The following NREP variants were observed in gnomAD, a reference collection of about 807,000 sequenced individuals.
NREP encodes the protein neuronal regeneration-related protein.
A neutral mutation model predicts 8.6 loss-of-function variants in NREP; 5 were observed. The observed-to-expected ratio is 0.58, with a 90% CI of 0.30 to 1.22. NREP has a LOEUF of 1.22. NREP is among the 50% of genes most tolerant of loss of function. NREP has a pLI of 0.07. For synonymous variants in NREP, 27 were observed against 28.0 expected (o/e 0.96, Z 0.11); for missense variants, 86 against 82.5 (o/e 1.04, Z -0.17).
intron 2 of NREP, among the ~76,000 whole-genome samples, chr5:111,784,943 G>A (rs1751574415): frequency 6.6e-6 from 1 of 152,140 alleles, no homozygotes; most frequent in Admixed American, 6.5e-5. Flanking sequence ...TGAGCAGGGG[G>A]GAGCTGCTCT....
chr5:111,938,361 C>A (rs1281047805), intron 2 of NREP, among the ~76,000 whole-genome samples: 2 of 152,128 alleles, frequency 1.3e-5, no homozygotes, highest in African/African-American at 4.8e-5. Context: ...TAAGCCAAAA[C>A]TACCCAGATT....
At position 111,770,400 on chromosome 5, in the gene NREP, T is replaced by C. The variant is rs575816769; in HGVS notation, c.136-34893A>G. Among the ~76,000 whole-genome samples, 231 of 152,272 alleles carry C rather than the reference T, an allele frequency of 1.5e-3. 2 individuals are homozygous for C. Among genetic ancestry groups the C allele is most frequent in the African/African-American group, 5.4e-3 (223 of 41,558 alleles). ...TATGCTGCAGAGGCAAGTTCTTAACTTTAGAATTCATTTGAGGTTTTAAAA... is the reference window on the plus strand; with the variant it reads ...TATGCTGCAGAGGCAAGTTCTTAACCTTAGAATTCATTTGAGGTTTTAAAA... On this transcript the variant is annotated intron_variant, in intron 2 of 3. Transcript: ENST00000395634.
At chr5:111,757,384 C>T (rs914613727), upstream of NREP, 1 of 962,434 alleles carries the variant, frequency 1.0e-6, no homozygotes. Flanking sequence ...CTGCCTCGCG[C>T]TCTCTCTCCA....
chr5:111,776,612 T>G (rs1213402), intron 2 of NREP, among the ~76,000 whole-genome samples: 2 of 152,120 alleles, frequency 1.3e-5, no homozygotes, highest in African/African-American at 2.4e-5. Flanking sequence ...ATTCATACAA[T>G]GGAATAATAG....
At chr5:111,808,673 C>T (rs906671661) in intron 2 of NREP, among the ~76,000 whole-genome samples, 3 of 152,188 alleles carry the variant, frequency 2.0e-5, no homozygotes, top group East Asian at 1.9e-4. Context: ...GACTCAATTT[C>T]GATAATATTC....
intron 2 of NREP, among the ~76,000 whole-genome samples, chr5:111,953,952 G>T (rs1184027697): frequency 6.6e-6 from 1 of 152,128 alleles, no homozygotes; most frequent in Non-Finnish European, 1.5e-5. Context: ...ACCTGAGGGA[G>T]TATCAGCATG....
At chr5:111,795,276 C>T (rs1484049262) in intron 2 of NREP, among the ~76,000 whole-genome samples, 1 of 152,102 alleles carries the variant, frequency 6.6e-6, no homozygotes, top group Non-Finnish European at 1.5e-5. Flanking sequence ...GGACTGGCTG[C>T]CTCAGGTGTA....
At chr5:111,937,066 G>T (rs762021600) in intron 2 of NREP, among the ~76,000 whole-genome samples, 2 of 152,058 alleles carry the variant, frequency 1.3e-5, no homozygotes, top group African/African-American at 2.4e-5. Flanking sequence ...ATTGACAATA[G>T]GAATGGCCAC....
At chr5:111,874,222 G>T (rs1320691541) in intron 2 of NREP, among the ~76,000 whole-genome samples, 3 of 152,054 alleles carry the variant, frequency 2.0e-5, no homozygotes, top group African/African-American at 7.2e-5. Context: ...TCCATATACT[G>T]TTCTCTTTAT....
chr5:111,828,627 A>G (rs7709710), intron 2 of NREP, among the ~76,000 whole-genome samples: 247 of 152,264 alleles, frequency 1.6e-3, no homozygotes, highest in African/African-American at 5.5e-3. Flanking sequence ...GGAAATAAAA[A>G]AAATGACTAT....
At chr5:111,805,345 A>G (rs1012499656) in intron 2 of NREP, among the ~76,000 whole-genome samples, 1 of 152,200 alleles carries the variant, frequency 6.6e-6, no homozygotes, top group Non-Finnish European at 1.5e-5. Flanking sequence ...GACTACAACA[A>G]CCCAGAAAAA....
chr5:111,867,577 TG>T (rs1428639262), intron 2 of NREP, among the ~76,000 whole-genome samples: 2 of 152,122 alleles, frequency 1.3e-5, no homozygotes, highest in Non-Finnish European at 2.9e-5. Flanking sequence ...GAATTGGGGA[TG>T]GGGAGCACAA....
At chr5:111,784,489 C>T (rs1167248793) in intron 2 of NREP, among the ~76,000 whole-genome samples, 1 of 152,156 alleles carries the variant, frequency 6.6e-6, no homozygotes, top group East Asian at 1.9e-4. Flanking sequence ...ATGTATGCTA[C>T]ACTTTCTTTG....
At chr5:111,866,186 A>G (rs1378516362) in intron 2 of NREP, among the ~76,000 whole-genome samples, 2 of 152,208 alleles carry the variant, frequency 1.3e-5, no homozygotes, top group Non-Finnish European at 2.9e-5. Context: ...CTGCACAGCA[A>G]AAGAAACTAC....
intron 2 of NREP, among the ~76,000 whole-genome samples, chr5:111,893,420 T>C (rs1754438628): frequency 6.6e-6 from 1 of 152,024 alleles, no homozygotes; most frequent in Non-Finnish European, 1.5e-5. Context: ...TTTTCCCTTC[T>C]GTAGGTTCTC....
At chr5:111,758,772 C>CA (rs1356623448), upstream of NREP, among the ~76,000 whole-genome samples, 7 of 152,176 alleles carry the variant, frequency 4.6e-5, no homozygotes, top group Admixed American at 4.6e-4. Flanking sequence ...ACAGCAATAG[C>CA]AAACCTTAAA....
chr5:111,919,985 C>G (rs796857520), intron 2 of NREP, among the ~76,000 whole-genome samples: 6 of 111,740 alleles, frequency 5.4e-5, no homozygotes, highest in African/African-American at 2.1e-4. Context: ...CCCCCCCCCC[C>G]ACACACACAA....
chr5:111,780,578 G>T lies in NREP; in HGVS notation c.136-45071C>A, dbSNP rs201517843. ...TATTTTTATTTGCTAGTATATGTTT[G>T]GTGGGGAGTGTATTTCATTGTGTAT... On this transcript the variant is annotated intron_variant, in intron 2 of 3. Transcript: ENST00000395634. Among the ~76,000 whole-genome samples, 452 of 152,276 alleles carry T rather than the reference G, an allele frequency of 3.0e-3. 2 individuals are homozygous for T. The highest frequency in any genetic ancestry group is 0.011 in the African/African-American group (438 of 41,562).
In NREP at chr5:111,847,956, T is replaced by C. The variant is rs79575542; in HGVS notation, c.136-112449A>G. Among the ~76,000 whole-genome samples, 122 of 152,302 alleles carry C rather than the reference T, an allele frequency of 8.0e-4. 1 individual carries two copies. The East Asian group carries it at 0.02, about 25-fold the overall frequency. ...GATCTTTGGTGTAGTTATTTCAACA[T>C]TGCCAAAGATTCAAGACCACGCAGG... On this transcript the variant is annotated intron_variant, in intron 2 of 3. Transcript: ENST00000395634.
Sources: allele counts gnomAD v4.1 joint callset (sites outside exome capture counted in the v4.1 genomes callset), GRCh38; gene constraint gnomAD v4.1.1; transcripts MANE v1.5; gene names NCBI Gene and HGNC (gene_info 2026-07-23, HGNC 2026-07-21).